Variants in ASPH observed in about 807,000 individuals in gnomAD.
The protein encoded by ASPH is aspartate beta-hydroxylase.
A neutral mutation model predicts 118.4 loss-of-function variants in ASPH; 100 were observed. The observed-to-expected ratio is 0.84, with a 90% CI of 0.72 to 1.00. ASPH has a LOEUF of 1.00. Among genes scored for constraint, ASPH ranks in the 50% least tolerant of loss-of-function variants. ASPH has a pLI of 0.00. For missense variants in ASPH, 920 were observed against 919.5 expected (o/e 1.00, Z -0.01); for synonymous variants, 315 against 325.6 (o/e 0.97, Z 0.35).
intron 14 of ASPH, among the ~76,000 whole-genome samples, chr8:61,594,442 A>G (rs1841995686): frequency 6.6e-6 from 1 of 152,200 alleles, no homozygotes; most frequent in South Asian, 2.1e-4. Flanking sequence ...CTGAAACAAA[A>G]CAGATGTTCC....
chr8:61,608,363 C>G (rs1846217854), intron 14 of ASPH, among the ~76,000 whole-genome samples: 1 of 152,182 alleles, frequency 6.6e-6, no homozygotes, highest in Non-Finnish European at 1.5e-5. Flanking sequence ...CAGGCAGTAA[C>G]AGCTGCCTCA....
rs769063033 is a variant in ASPH, at chr8:61,567,264, T to G, written c.1204A>C (p.Ile402Leu). ...CTGGCCACCTCTTGGTAGGTCTCGA[T>G]GGCTCCACGTAGCACCTCATTACTT... The part of the protein sequence containing the change: ...RRSNEVLRGA[I>L]ETYQEVASLP... Residue 402 changes from isoleucine (I) to leucine (L), a missense_variant, in exon 17 of 25, where the codon ATC becomes CTC. Coordinates refer to ENST00000379454, the MANE Select transcript of ASPH (RefSeq NM_004318.4). The G allele has an allele frequency of 6.2e-7, 1 of 1,614,184 alleles. No homozygotes were observed. Among genetic ancestry groups the G allele is most frequent in the South Asian group, 1.1e-5 (1 of 91,086 alleles).
In ASPH at chr8:61,583,933, T is replaced by TATCAACCTA; in HGVS notation, c.1062+2_1062+10dup. On this transcript the variant is annotated intron_variant, in intron 15 of 24. Coordinates refer to ENST00000379454, the MANE Select transcript of ASPH (RefSeq NM_004318.4). ...AACAACAAAACCATTGCACAAAAAA[T>TATCAACCTA]ATCAACCTACCCTTTTACGGAGTTT... The TATCAACCTA allele has an allele frequency of 6.5e-7, 1 of 1,540,552 alleles. No homozygotes were observed. Among genetic ancestry groups the TATCAACCTA allele is most frequent in the Non-Finnish European group, 8.8e-7 (1 of 1,132,976 alleles).
chr8:61,510,699 A>G (rs1471178553), intron 24 of ASPH, among the ~76,000 whole-genome samples: 1 of 152,218 alleles, frequency 6.6e-6, no homozygotes, highest in Non-Finnish European at 1.5e-5. Flanking sequence ...AGGGGTCAAG[A>G]CATGGTATGG....
chr8:61,638,466 C>A, intron 10 of ASPH, 103 bp from the exon 11 acceptor site: 1 of 1,019,130 alleles, frequency 9.8e-7, no homozygotes, highest in Non-Finnish European at 1.5e-6. Flanking sequence ...CATCTTTGAA[C>A]CTGCAAGGTT....
chr8:61,602,584 T>C (rs1266759557), intron 14 of ASPH, among the ~76,000 whole-genome samples: 1 of 151,394 alleles, frequency 6.6e-6, no homozygotes, highest in Non-Finnish European at 1.5e-5. Flanking sequence ...GGCATTTTAC[T>C]GGAGGTTCCA....
At chr8:61,686,347 G>A (rs942655869) in intron 1 of ASPH, among the ~76,000 whole-genome samples, 1 of 152,150 alleles carries the variant, frequency 6.6e-6, no homozygotes, top group Non-Finnish European at 1.5e-5. Context: ...TGTCTGCAAT[G>A]TTGGTAGAGG....
At chr8:61,526,738 T>C (rs547018961) in intron 21 of ASPH, among the ~76,000 whole-genome samples, 1 of 152,278 alleles carries the variant, frequency 6.6e-6, no homozygotes, top group East Asian at 1.9e-4. Flanking sequence ...GAAAGGGAGC[T>C]TATGACCAGT....
chr8:61,607,376 T>C, intron 14 of ASPH: 1 of 660,378 alleles, frequency 1.5e-6, no homozygotes, highest in African/African-American at 1.8e-5. Flanking sequence ...ACTCCGTTCA[T>C]CCATACACGC....
At chr8:61,548,008 T>C in intron 21 of ASPH, 63 bp downstream of exon 21, 2 of 1,491,858 alleles carry the variant, frequency 1.3e-6, no homozygotes, top group Non-Finnish European at 1.8e-6. Context: ...TGATAAACAT[T>C]TTCTGATTTT....
At chr8:61,643,584 TC>T in intron 8 of ASPH, 151 bp from the exon 9 acceptor site, 1 of 787,818 alleles carries the variant, frequency 1.3e-6, no homozygotes, top group Non-Finnish European at 2.0e-6. Flanking sequence ...TGAATAACGT[TC>T]CACAATTTGA....
intron 24 of ASPH, among the ~76,000 whole-genome samples, chr8:61,515,622 A>T (rs1265221526): frequency 6.6e-6 from 1 of 152,098 alleles, no homozygotes. Flanking sequence ...CTCTATTTCC[A>T]GCCACCTCCT....
At chr8:61,527,048 A>G (rs16927456) in intron 21 of ASPH, among the ~76,000 whole-genome samples, 11,729 of 152,190 alleles carry the variant, frequency 0.077, 1,263 homozygotes, top group African/African-American at 0.24. Context: ...GAAATAGTTG[A>G]GTATATAGAT....
chr8:61,537,304 A>G (rs1156990067), intron 21 of ASPH, among the ~76,000 whole-genome samples: 1 of 152,224 alleles, frequency 6.6e-6, no homozygotes, highest in Non-Finnish European at 1.5e-5. Context: ...CTGAAACTTT[A>G]TGTGTATATA....
chr8:61,713,570 G>T (rs1394930374), intron 1 of ASPH, among the ~76,000 whole-genome samples: 1 of 152,150 alleles, frequency 6.6e-6, no homozygotes, highest in Admixed American at 6.5e-5. Flanking sequence ...AGACGAAACA[G>T]ATTTAAAAAT....
At position 61,509,962 on chromosome 8, in the gene ASPH, TC is replaced by T. The variant is rs1808185160; in HGVS notation, c.2127-6454del. ...ACTCCTCCTTCCTAACTCCTTAAAG[TC>T]CCTTCCCCCATCGCTGTCAAAGTAC... On this transcript the variant is annotated intron_variant, in intron 24 of 24. Transcript: ENST00000379454. 5.3e-5 allele frequency among the ~76,000 whole-genome samples: 8 copies of T among 151,844 alleles called. No homozygotes were observed. In the South Asian group the frequency reaches 1.7e-3, roughly 32 times the overall value.
chr8:61,525,897 C>T, intron 22 of ASPH, 80 bp downstream of exon 22: 1 of 1,539,856 alleles, frequency 6.5e-7, no homozygotes, highest in Non-Finnish European at 8.8e-7. Context: ...CTCTGGGAAG[C>T]ATCACCAGAA....
At chr8:61,640,170 C>A (rs926680059) in intron 10 of ASPH, among the ~76,000 whole-genome samples, 3 of 152,172 alleles carry the variant, frequency 2.0e-5, no homozygotes, top group Non-Finnish European at 4.4e-5. Context: ...CTGAACATCC[C>A]TTTCTTGAAA....
chr8:61,629,744 A>G (rs2150710155), intron 13 of ASPH, among the ~76,000 whole-genome samples: 1 of 152,350 alleles, frequency 6.6e-6, no homozygotes, highest in East Asian at 1.9e-4. Flanking sequence ...AAGATGCTGA[A>G]GAATATATAA....
Sources: gnomAD v4.1 joint callset for allele counts (sites outside exome capture counted in the v4.1 genomes callset) on GRCh38, gnomAD v4.1.1 for gene constraint, MANE v1.5 for transcripts, NCBI Gene and HGNC (gene_info 2026-07-23, HGNC 2026-07-21) for gene names.